The following LYPD6 variants were observed in gnomAD, a reference collection of about 807,000 sequenced individuals.
LYPD6 encodes the protein LY6/PLAUR domain containing 6.
In LYPD6, 15 loss-of-function variants were observed where a neutral mutation model predicts 22.7. That is an observed-to-expected ratio of 0.66 (90% CI 0.44 to 1.02). The LOEUF is 1.02. Ranked by LOEUF, LYPD6 falls within the 50% of genes least tolerant of loss-of-function variation. The pLI, the probability that LYPD6 is intolerant of heterozygous loss-of-function variation, is 0.00. For missense variants in LYPD6, 189 were observed against 208.4 expected, an observed-to-expected ratio of 0.91 and a Z score of 0.57; for synonymous variants, 72 against 77.5, an observed-to-expected ratio of 0.93 and a Z score of 0.37.
chr2:149,377,421 C>G (rs937281513), intron 1 of LYPD6, among the ~76,000 whole-genome samples: 5 of 152,112 alleles, frequency 3.3e-5, no homozygotes, highest in Admixed American at 6.5e-5. Context: ...GAGCACTTCT[C>G]CCAGATGTAG....
chr2:149,426,492 G>A (rs554628310), intron 1 of LYPD6, among the ~76,000 whole-genome samples: 1 of 152,320 alleles, frequency 6.6e-6, no homozygotes, highest in African/African-American at 2.4e-5. Flanking sequence ...TACAAGGGCA[G>A]ATGGTTTAGG....
intron 1 of LYPD6, among the ~76,000 whole-genome samples, chr2:149,336,606 C>T (rs776781766): frequency 6.6e-6 from 1 of 152,150 alleles, no homozygotes; most frequent in South Asian, 2.1e-4. Context: ...TAAACCCTCT[C>T]TATTTGTTCA....
chr2:149,393,386 G>A (rs1682357525), intron 1 of LYPD6, among the ~76,000 whole-genome samples: 1 of 152,192 alleles, frequency 6.6e-6, no homozygotes, highest in Admixed American at 6.5e-5. Flanking sequence ...CTTCGGGTGA[G>A]TGTGTGAATT....
intron 3 of LYPD6, among the ~76,000 whole-genome samples, chr2:149,467,679 T>C (rs1389743149): frequency 6.6e-6 from 1 of 152,136 alleles, no homozygotes; most frequent in South Asian, 2.1e-4. Context: ...CATGCAAAGT[T>C]GGATCCAAGA....
intron 1 of LYPD6, among the ~76,000 whole-genome samples, chr2:149,332,468 G>GT (rs1407668025): frequency 6.6e-6 from 1 of 151,976 alleles, no homozygotes; most frequent in African/African-American, 2.4e-5. Context: ...CATACCATGT[G>GT]TTGTATCATA....
At chr2:149,454,842 A>C (rs939503593) in intron 3 of LYPD6, among the ~76,000 whole-genome samples, 4 of 152,140 alleles carry the variant, frequency 2.6e-5, no homozygotes, top group African/African-American at 9.7e-5. Context: ...CTATGTGGAG[A>C]CCATCAGTCT....
At chr2:149,476,093 T>C (rs894224959), downstream of LYPD6, among the ~76,000 whole-genome samples, 3 of 152,186 alleles carry the variant, frequency 2.0e-5, no homozygotes, top group Non-Finnish European at 4.4e-5. Flanking sequence ...AGATCATTTG[T>C]CTCTGAGCAT....
At chr2:149,481,801 T>A in the LYPD6 span, among the ~76,000 whole-genome samples, 7 of 152,368 alleles carry the variant, frequency 4.6e-5, no homozygotes, top group East Asian at 1.2e-3. Flanking sequence ...TGGTAATAAC[T>A]TTTTTCTTTT....
intron 1 of LYPD6, among the ~76,000 whole-genome samples, chr2:149,407,056 T>C (rs1387848847): frequency 5.9e-5 from 9 of 152,158 alleles, no homozygotes; most frequent in Non-Finnish European, 1.3e-4. Flanking sequence ...TGTTGAATAT[T>C]GGCCCCCACT....
chr2:149,484,554 C>CT, the LYPD6 span, among the ~76,000 whole-genome samples: 2 of 151,780 alleles, frequency 1.3e-5, no homozygotes, highest in South Asian at 4.2e-4. Flanking sequence ...CATAGCTACC[C>CT]CCGTAGTCCA....
At chr2:149,364,829 C>T (rs987643716) in intron 1 of LYPD6, among the ~76,000 whole-genome samples, 1 of 152,116 alleles carries the variant, frequency 6.6e-6, no homozygotes, top group South Asian at 2.1e-4. Context: ...GCATATCTCA[C>T]GGCAACTTTG....
chr2:149,434,297 T>G (rs1260376307), intron 1 of LYPD6, among the ~76,000 whole-genome samples: 1 of 152,200 alleles, frequency 6.6e-6, no homozygotes, highest in Non-Finnish European at 1.5e-5. Flanking sequence ...CCACATAGTT[T>G]TGTAAGTCGT....
intron 2 of LYPD6, among the ~76,000 whole-genome samples, chr2:149,446,056 G>A (rs922413058): frequency 6.6e-6 from 1 of 152,094 alleles, no homozygotes; most frequent in African/African-American, 2.4e-5. Context: ...CAGTATTGTT[G>A]TATCTCAGGA....
At chr2:149,339,008 A>G (rs942962903) in intron 1 of LYPD6, among the ~76,000 whole-genome samples, 25 of 152,212 alleles carry the variant, frequency 1.6e-4, no homozygotes, top group African/African-American at 5.8e-4. Flanking sequence ...TGGTCAAGCC[A>G]GTGCCCAGGA....
intron 2 of LYPD6, among the ~76,000 whole-genome samples, chr2:149,447,064 C>CA (rs1683705917): frequency 6.6e-6 from 1 of 152,188 alleles, no homozygotes; most frequent in Admixed American, 6.5e-5. Flanking sequence ...TGAGTGTTTG[C>CA]AGCTTTCAAA....
intron 1 of LYPD6, among the ~76,000 whole-genome samples, chr2:149,428,727 G>C (rs1241447594): frequency 6.6e-6 from 1 of 152,218 alleles, no homozygotes; most frequent in East Asian, 1.9e-4. Flanking sequence ...ACCCGTTCCC[G>C]TAAGAAGGGG....
At chr2:149,461,273 A>G (rs1425724540) in intron 3 of LYPD6, among the ~76,000 whole-genome samples, 1 of 152,038 alleles carries the variant, frequency 6.6e-6, no homozygotes, top group Non-Finnish European at 1.5e-5. Context: ...TAGTATGAAC[A>G]ACTCAAAAAC....
intron 1 of LYPD6, among the ~76,000 whole-genome samples, chr2:149,363,964 G>A (rs933566980): frequency 3.9e-5 from 6 of 152,092 alleles, no homozygotes; most frequent in African/African-American, 1.2e-4. Flanking sequence ...TCAGAATTTA[G>A]TCTCCTTCAT....
intron 1 of LYPD6, among the ~76,000 whole-genome samples, chr2:149,434,151 C>T (rs1029881781): frequency 1.3e-4 from 19 of 151,804 alleles, no homozygotes; most frequent in African/African-American, 3.1e-4. Flanking sequence ...ACCAATTAGA[C>T]GATAAATAAG....
Sources: gnomAD v4.1 joint callset for allele counts (sites outside exome capture counted in the v4.1 genomes callset) on GRCh38, gnomAD v4.1.1 for gene constraint, MANE v1.5 for transcripts, NCBI Gene and HGNC (gene_info 2026-07-23, HGNC 2026-07-21) for gene names.